EXOC4: variants seen among roughly 807,000 people sequenced by gnomAD.
EXOC4 encodes the protein SEC8-like 1.
A neutral mutation model predicts 107.2 loss-of-function variants in EXOC4; 71 were observed. The ratio of observed to expected loss-of-function variants is 0.66; its 90% CI spans 0.55 to 0.81. The LOEUF (loss-of-function observed/expected upper bound fraction) is 0.81, where lower values mean the gene tolerates loss of function less well. Ranked by LOEUF, EXOC4 falls within the 30% of genes least tolerant of loss-of-function variation. EXOC4 has a pLI of 0.00. For missense variants in EXOC4, 1,108 were observed against 1,189.6 expected (o/e 0.93, Z 1.01); for synonymous variants, 456 against 441.2 (o/e 1.03, Z -0.42).
At chr7:133,706,797 G>T (rs1395956115) in intron 10 of EXOC4, among the ~76,000 whole-genome samples, 7 of 152,146 alleles carry the variant, frequency 4.6e-5, no homozygotes, top group East Asian at 1.9e-4. Flanking sequence ...AGGGGAAAAG[G>T]TGGAGAGGGA....
chr7:133,466,442 C>T (rs569158529), intron 7 of EXOC4, among the ~76,000 whole-genome samples: 2 of 152,178 alleles, frequency 1.3e-5, no homozygotes, highest in South Asian at 4.1e-4. Flanking sequence ...CTATGATATG[C>T]CAATCAGACG....
rs1412834264 is a variant in EXOC4, at chr7:133,374,723, A to T, written c.1008-105A>T. 3 of 894,826 alleles carry T rather than the reference A, an allele frequency of 3.4e-6. No individual in the cohort carries two copies. In the East Asian group the frequency reaches 7.5e-5, roughly 22 times the overall value. 55.4% of individuals were successfully genotyped at this position (894,826 alleles called of 1,614,324 possible). On this transcript the variant is annotated intron_variant, in intron 6 of 17. Transcript: ENST00000253861. The stretch of plus-strand genomic sequence containing the variant: ...GAAATCTAACGTTAATGCTGTTTAC[A>T]TTGTAGAATGCTACTTTAGTTTGAT...
intron 5 of EXOC4, among the ~76,000 whole-genome samples, chr7:133,328,543 T>G (rs1364096824): frequency 6.6e-6 from 1 of 152,178 alleles, no homozygotes; most frequent in Non-Finnish European, 1.5e-5. Flanking sequence ...GTTTGGTATG[T>G]TTTTGCAGTG....
intron 7 of EXOC4, among the ~76,000 whole-genome samples, chr7:133,456,182 T>C (rs1295366978): frequency 6.6e-6 from 1 of 152,212 alleles, no homozygotes; most frequent in Non-Finnish European, 1.5e-5. Flanking sequence ...CCATTATCAT[T>C]AATGATCCTA....
intron 10 of EXOC4, among the ~76,000 whole-genome samples, chr7:133,784,545 A>G (rs1349178296): frequency 6.6e-6 from 1 of 152,154 alleles, no homozygotes; most frequent in Non-Finnish European, 1.5e-5. Flanking sequence ...TCCATCAGGG[A>G]GCTGACAGTC....
chr7:133,650,937 G>GTTTTTTTTTTTTTTTTTTTTTTT (rs200499348), intron 10 of EXOC4, among the ~76,000 whole-genome samples: 1 of 88,694 alleles, frequency 1.1e-5, no homozygotes, highest in Non-Finnish European at 2.2e-5. Flanking sequence ...AGATTGGTCA[G>GTTTTTTTTTTTTTTTTTTTTTTT]TTTTTTTTTT....
chr7:133,292,863 G>C (rs1794438051), intron 3 of EXOC4, among the ~76,000 whole-genome samples: 1 of 152,192 alleles, frequency 6.6e-6, no homozygotes, highest in Non-Finnish European at 1.5e-5. Context: ...GTGGAAGACT[G>C]TAATACCACT....
At chr7:133,968,509 T>G (rs571803437) in intron 14 of EXOC4, among the ~76,000 whole-genome samples, 9 of 152,232 alleles carry the variant, frequency 5.9e-5, no homozygotes, top group African/African-American at 1.2e-4. Flanking sequence ...AGTACTTCCT[T>G]CAGGAACTCT....
chr7:133,593,007 A>G (rs1001925156), intron 9 of EXOC4, among the ~76,000 whole-genome samples: 2 of 152,216 alleles, frequency 1.3e-5, no homozygotes, highest in Admixed American at 6.5e-5. Context: ...TTGGCCTCCC[A>G]ACATCCTGGG....
At chr7:133,458,539 G>C (rs1288005951) in intron 7 of EXOC4, among the ~76,000 whole-genome samples, 1 of 152,152 alleles carries the variant, frequency 6.6e-6, no homozygotes, top group African/African-American at 2.4e-5. Context: ...GATTGAAAAC[G>C]TGTGGTTTTA....
chr7:133,780,613 T>A (rs1039397975), intron 10 of EXOC4, among the ~76,000 whole-genome samples: 1 of 152,216 alleles, frequency 6.6e-6, no homozygotes, highest in Non-Finnish European at 1.5e-5. Flanking sequence ...AGAGATGTGT[T>A]TTTTTCATTC....
At chr7:133,835,613 G>T (rs1797903032) in intron 11 of EXOC4, among the ~76,000 whole-genome samples, 1 of 152,172 alleles carries the variant, frequency 6.6e-6, no homozygotes, top group African/African-American at 2.4e-5. Flanking sequence ...TCTCCCTTTA[G>T]ATTAGTGAAT....
At chr7:133,535,568 A>G (rs1800256217) in intron 9 of EXOC4, among the ~76,000 whole-genome samples, 1 of 152,218 alleles carries the variant, frequency 6.6e-6, no homozygotes, top group Admixed American at 6.5e-5. Context: ...GGAGGATTAG[A>G]GGATTTGCAT....
chr7:133,338,056 TC>T (rs1795561104), intron 5 of EXOC4, among the ~76,000 whole-genome samples: 1 of 151,662 alleles, frequency 6.6e-6, no homozygotes, highest in African/African-American at 2.4e-5. Context: ...GATTTATTGA[TC>T]AGTTCTACTA....
At chr7:133,539,786 T>G (rs751223229) in intron 9 of EXOC4, among the ~76,000 whole-genome samples, 11 of 152,246 alleles carry the variant, frequency 7.2e-5, no homozygotes, top group Non-Finnish European at 1.5e-4. Context: ...GGGGCCTGAA[T>G]TTTTTAGTTG....
At chr7:133,380,605 T>A (rs1796596437) in intron 7 of EXOC4, among the ~76,000 whole-genome samples, 1 of 151,878 alleles carries the variant, frequency 6.6e-6, no homozygotes, top group Non-Finnish European at 1.5e-5. Flanking sequence ...CTATGATCTT[T>A]ATTTTTTTAT....
At chr7:133,481,645 A>G (rs1799161145) in intron 9 of EXOC4, among the ~76,000 whole-genome samples, 2 of 152,208 alleles carry the variant, frequency 1.3e-5, no homozygotes, top group African/African-American at 4.8e-5. Context: ...CAGCCCATAA[A>G]TGTGGTCACC....
intron 9 of EXOC4, among the ~76,000 whole-genome samples, chr7:133,547,685 C>T (rs1253662730): frequency 6.6e-6 from 1 of 152,152 alleles, no homozygotes. Flanking sequence ...CTCAAGAAAT[C>T]ACTTTCTTTG....
chr7:133,596,035 T>C (rs1801662135), intron 9 of EXOC4, among the ~76,000 whole-genome samples: 2 of 152,228 alleles, frequency 1.3e-5, no homozygotes, highest in South Asian at 4.1e-4. Flanking sequence ...TCCAACATGC[T>C]ATCTTTGTAT....
Sources: gnomAD v4.1 joint callset for allele counts (sites outside exome capture counted in the v4.1 genomes callset) on GRCh38, gnomAD v4.1.1 for gene constraint, MANE v1.5 for transcripts, NCBI Gene and HGNC (gene_info 2026-07-23, HGNC 2026-07-21) for gene names.